PHLDB2: variants seen among roughly 807,000 people sequenced by gnomAD.
PHLDB2 encodes pleckstrin homology like domain family B member 2, also known as pleckstrin homology-like domain family B member 2.
In PHLDB2, 71 loss-of-function variants were observed where a neutral mutation model predicts 123.6. That is an observed-to-expected ratio of 0.57 (90% CI 0.47 to 0.70). The LOEUF (loss-of-function observed/expected upper bound fraction) is 0.70. Among genes scored for constraint, PHLDB2 ranks in the 30% least tolerant of loss-of-function variants. The probability of loss-of-function intolerance (pLI) is 0.00; values close to 1 mark genes in which losing one functional copy is unlikely to be tolerated. For synonymous variants in PHLDB2, 547 were observed against 541.6 expected (o/e 1.01, Z -0.14); for missense variants, 1,446 against 1,519.5 (o/e 0.95, Z 0.80).
chr3:111,855,966 T>C (rs953039472), upstream of PHLDB2, among the ~76,000 whole-genome samples: 9 of 152,088 alleles, frequency 5.9e-5, no homozygotes, highest in Admixed American at 5.2e-4. Context: ...ACCTTCAGGG[T>C]GGTCTCGTCT....
At chr3:111,852,021 C>A (rs1382007776) in intron 2 of PHLDB2, among the ~76,000 whole-genome samples, 1 of 152,004 alleles carries the variant, frequency 6.6e-6, no homozygotes, top group Admixed American at 6.6e-5. Flanking sequence ...GACACAAATA[C>A]CCCTTCACCT....
intron 1 of PHLDB2, among the ~76,000 whole-genome samples, chr3:111,779,399 C>A (rs1434091814): frequency 6.6e-6 from 1 of 151,744 alleles, no homozygotes; most frequent in African/African-American, 2.4e-5. Flanking sequence ...CAGCCCTTGC[C>A]CCCCTCCTCC....
intron 1 of PHLDB2, among the ~76,000 whole-genome samples, chr3:111,824,167 C>A (rs1360369424): frequency 6.6e-6 from 1 of 152,166 alleles, no homozygotes; most frequent in Non-Finnish European, 1.5e-5. Flanking sequence ...AACCCACTTG[C>A]TGGTCGGTTC....
chr3:111,804,546 A>G (rs780969291), intron 1 of PHLDB2, among the ~76,000 whole-genome samples: 10 of 152,232 alleles, frequency 6.6e-5, no homozygotes, highest in Admixed American at 1.3e-4. Context: ...AGAGTATAAG[A>G]TATACTATCT....
At chr3:111,759,637 A>T (rs972519049) in intron 1 of PHLDB2, among the ~76,000 whole-genome samples, 4 of 152,222 alleles carry the variant, frequency 2.6e-5, no homozygotes, top group African/African-American at 9.6e-5. Context: ...AGACAGCAAA[A>T]TAATATAACA....
intron 1 of PHLDB2, among the ~76,000 whole-genome samples, chr3:111,880,478 G>A (rs2065880030): frequency 6.6e-6 from 1 of 152,164 alleles, no homozygotes; most frequent in Non-Finnish European, 1.5e-5. Context: ...CAGGAAAAGA[G>A]CTCTCATTGT....
intron 1 of PHLDB2, among the ~76,000 whole-genome samples, chr3:111,780,269 GAA>G (rs1553726674): frequency 0.013 from 463 of 35,558 alleles, 166 homozygotes; most frequent in African/African-American, 0.049. Context: ...AGAAGAAGAA[GAA>G]AAGAAGAAGA....
chr3:111,909,769 G>C (rs1223630882), intron 2 of PHLDB2, among the ~76,000 whole-genome samples: 1 of 148,640 alleles, frequency 6.7e-6, no homozygotes, highest in Non-Finnish European at 1.5e-5. Flanking sequence ...GTTATAATAG[G>C]TCCTCCTAAA....
intron 9 of PHLDB2, among the ~76,000 whole-genome samples, chr3:111,946,700 T>A (rs1188634866): frequency 6.6e-6 from 1 of 152,202 alleles, no homozygotes; most frequent in Non-Finnish European, 1.5e-5. Flanking sequence ...TGTGAGTCTG[T>A]TAAAGAAATA....
intron 1 of PHLDB2, among the ~76,000 whole-genome samples, chr3:111,788,601 G>T (rs964810235): frequency 1.3e-5 from 2 of 152,188 alleles, no homozygotes; most frequent in Admixed American, 1.3e-4. Flanking sequence ...GATGCAGTAA[G>T]ATTGAAATAG....
intron 1 of PHLDB2, among the ~76,000 whole-genome samples, chr3:111,801,774 A>C (rs1259982469): frequency 2.6e-5 from 4 of 152,238 alleles, no homozygotes; most frequent in Non-Finnish European, 4.4e-5. Flanking sequence ...CATTTATATG[A>C]AATGTGTGGA....
intron 1 of PHLDB2, among the ~76,000 whole-genome samples, chr3:111,757,467 C>T (rs984077158): frequency 1.2e-4 from 19 of 152,184 alleles, no homozygotes; most frequent in African/African-American, 4.1e-4. Flanking sequence ...TCTAGTTACA[C>T]ATTTGTCTAA....
In PHLDB2 at chr3:111,737,216, G is replaced by T. The variant is rs140274838; in HGVS notation, c.-49+4513G>T. On this transcript the variant is annotated intron_variant, in intron 1 of 17. Coordinates refer to the PHLDB2 transcript ENST00000393923. The stretch of plus-strand genomic sequence containing the variant: ...CTGCATCAGCTATGCATCTGGAGGA[G>T]ATCCAGTGTTTTCTTATCCCTAATG... Among the ~76,000 whole-genome samples, 195 of 152,308 alleles carry T rather than the reference G, an allele frequency of 1.3e-3. 2 individuals carry two copies. The highest frequency in any genetic ancestry group is 4.3e-3 in the African/African-American group (178 of 41,568).
intron 1 of PHLDB2, among the ~76,000 whole-genome samples, chr3:111,749,613 T>G (rs1004862732): frequency 6.6e-6 from 1 of 152,232 alleles, no homozygotes; most frequent in Admixed American, 6.5e-5. Flanking sequence ...AACTGCTATA[T>G]AAACAAGAAT....
intron 1 of PHLDB2, among the ~76,000 whole-genome samples, chr3:111,841,203 G>A (rs1576843979): frequency 1.3e-5 from 2 of 152,116 alleles, no homozygotes; most frequent in Admixed American, 6.6e-5. Context: ...AGGTTAAAGC[G>A]ATTCTCATCC....
chr3:111,911,216 T>C (rs970286925), intron 2 of PHLDB2, among the ~76,000 whole-genome samples: 3 of 152,176 alleles, frequency 2.0e-5, no homozygotes, highest in African/African-American at 7.2e-5. Flanking sequence ...GCCCAGGTAA[T>C]TGGAAATGGA....
chr3:111,920,371 C>A lies in PHLDB2; in HGVS notation c.1953C>A (p.Asn651Lys). The A allele has an allele frequency of 6.2e-7, 1 of 1,613,762 alleles. No individual in the cohort carries two copies. Among genetic ancestry groups the A allele is most frequent in the Non-Finnish European group, 8.5e-7 (1 of 1,179,854 alleles). ...AGAAGGAGATTTTGGATCATCTAAA[C>A]CGGAAAATAGCTGAACTGGAAAAGA... ...MKEKEILDHL[N>K]RKIAELEKNI... The change falls in exon 5 of 18, where the codon AAC (asparagine) becomes AAA (lysine). Residue 651 changes from asparagine (N) to lysine (K), a missense_variant. Asn to Lys is a moderately conservative substitution (Grantham distance 94). Coordinates refer to ENST00000431670, the MANE Select transcript of PHLDB2 (RefSeq NM_001134438.2).
intron 1 of PHLDB2, among the ~76,000 whole-genome samples, chr3:111,794,348 C>T (rs2061058243): frequency 6.6e-6 from 1 of 152,152 alleles, no homozygotes; most frequent in Non-Finnish European, 1.5e-5. Flanking sequence ...TTTCTCTGGG[C>T]CATGTGGCTG....
intron 1 of PHLDB2, among the ~76,000 whole-genome samples, chr3:111,779,431 A>C (rs553918789): frequency 6.6e-6 from 1 of 151,738 alleles, no homozygotes; most frequent in South Asian, 2.1e-4. Context: ...CCCAGTATCT[A>C]TTGCTCCCAT....
Sources: gnomAD v4.1 joint callset for allele counts (sites outside exome capture counted in the v4.1 genomes callset) on GRCh38, gnomAD v4.1.1 for gene constraint, MANE v1.5 for transcripts, NCBI Gene and HGNC (gene_info 2026-07-23, HGNC 2026-07-21) for gene names.